The following TMEM74 variants were observed in gnomAD, a reference collection of about 807,000 sequenced individuals.
TMEM74 encodes transmembrane protein 74.
Under a neutral mutation model 18.1 loss-of-function variants are expected in TMEM74, and 13 were observed. The observed-to-expected ratio is 0.72, with a 90% confidence interval of 0.47 to 1.14. TMEM74 has a LOEUF of 1.14. TMEM74 is among the 50% of genes most tolerant of loss of function. The pLI is 0.00. For synonymous variants in TMEM74, 159 were observed against 146.6 expected (o/e 1.08, Z -0.61); for missense variants, 372 against 375.9 (o/e 0.99, Z 0.09).
chr8:108,748,976 G>A (rs1322299297), intron 1 of TMEM74, among the ~76,000 whole-genome samples: 3 of 151,798 alleles, frequency 2.0e-5, no homozygotes, highest in African/African-American at 7.3e-5. Flanking sequence ...TACCATACAC[G>A]TGGTGCCAGA....
rs148669086 is a variant in TMEM74 at position 108,650,980 on chromosome 8, G to A, written n.264+4313C>T. ...CCCACCTCGGCCTCGCAAAGTGTTG[G>A]GATTACAGGCGTGAGCCACCACACC... On this transcript the variant is annotated intron_variant and non_coding_transcript_variant, in intron 2 of 3. Transcript: ENST00000518838. Among the ~76,000 whole-genome samples the A allele has an allele frequency of 7.5e-3, 1,145 of 152,148 alleles. 11 individuals are homozygous for A. Among genetic ancestry groups the A allele is most frequent in the Non-Finnish European group, 0.012 (836 of 68,014 alleles).
chr8:108,764,733 A>G (rs1043092958), intron 1 of TMEM74, among the ~76,000 whole-genome samples: 5 of 152,274 alleles, frequency 3.3e-5, no homozygotes, highest in East Asian at 1.9e-4. Flanking sequence ...CTGCTATTCA[A>G]GGAAGGATAG....
chr8:108,662,978 G>A (rs1323485065), intron 1 of TMEM74, among the ~76,000 whole-genome samples: 3 of 152,128 alleles, frequency 2.0e-5, no homozygotes, highest in Non-Finnish European at 2.9e-5. Context: ...CTCCAGGTTT[G>A]TTGTCTTTGC....
rs1440369273 is a variant in TMEM74, at chr8:108,782,237, G to A, written c.*1944C>T. Among the ~76,000 whole-genome samples the A allele has an allele frequency of 6.6e-6, 1 of 152,016 alleles. No homozygotes were observed. The highest frequency in any genetic ancestry group is 1.5e-5 in the Non-Finnish European group (1 of 67,996). ...ATATAAAACTTATACCACTGGTAAG[G>A]CAGCCTCAACAAAAATCATGAAATG... On this transcript the variant is annotated 3_prime_UTR_variant, in exon 2 of 2. Coordinates refer to ENST00000297459, the MANE Select transcript of TMEM74 (RefSeq NM_153015.3).
intron 1 of TMEM74, among the ~76,000 whole-genome samples, chr8:108,710,189 A>G (rs1813460580): frequency 6.6e-6 from 1 of 152,248 alleles, no homozygotes; most frequent in South Asian, 2.1e-4. Flanking sequence ...ATGTTTTAGT[A>G]AAGGATGCGT....
At chr8:108,702,411 T>C (rs375118485) in intron 1 of TMEM74, among the ~76,000 whole-genome samples, 1 of 149,168 alleles carries the variant, frequency 6.7e-6, no homozygotes. Flanking sequence ...GAGCTGATCT[T>C]GACAAAGGAG....
intron 1 of TMEM74, among the ~76,000 whole-genome samples, chr8:108,706,331 A>G (rs1285115555): frequency 6.6e-6 from 1 of 152,162 alleles, no homozygotes; most frequent in Non-Finnish European, 1.5e-5. Flanking sequence ...GGGAGGATGT[A>G]CTCTGATTTT....
intron 1 of TMEM74, among the ~76,000 whole-genome samples, chr8:108,756,135 A>C (rs1279453945): frequency 1.3e-5 from 2 of 152,074 alleles, no homozygotes; most frequent in Admixed American, 6.6e-5. Context: ...CTATCATTAA[A>C]ATTTCAAACG....
rs1008417044 is a variant in TMEM74 at position 108,780,887 on chromosome 8, A to G, written c.*3294T>C. 2.0e-5 allele frequency among the ~76,000 whole-genome samples: 3 copies of G among 152,170 alleles called. No individual in the cohort carries two copies. Among genetic ancestry groups the G allele is most frequent in the African/African-American group, 4.8e-5 (2 of 41,444 alleles). On this transcript the variant is annotated 3_prime_UTR_variant, in exon 2 of 2. Transcript: ENST00000297459. ...ATGTGATCTGCTTTAAGAGCTCCCA[A>G]TGGGTGGGAAGGACACACAGCGCTG...
intron 2 of TMEM74, among the ~76,000 whole-genome samples, chr8:108,615,873 G>A (rs953880995): frequency 6.7e-5 from 8 of 118,902 alleles, no homozygotes; most frequent in African/African-American, 2.6e-4. Context: ...TGCAACCTCC[G>A]CCTTCCAGGT....
chr8:108,687,785 T>G (rs558046963), intron 1 of TMEM74, among the ~76,000 whole-genome samples: 66 of 152,000 alleles, frequency 4.3e-4, no homozygotes, highest in Non-Finnish European at 8.7e-4. Flanking sequence ...GAGGCAGAGG[T>G]CAGGTGGTAA....
intron 2 of TMEM74, among the ~76,000 whole-genome samples, chr8:108,618,944 C>T (rs547765190): frequency 1.3e-5 from 2 of 152,210 alleles, no homozygotes; most frequent in African/African-American, 4.8e-5. Flanking sequence ...ACCCCAGGCC[C>T]CATCCAAGAA....
At chr8:108,744,109 T>G (rs751737763) in intron 1 of TMEM74, among the ~76,000 whole-genome samples, 10 of 152,180 alleles carry the variant, frequency 6.6e-5, no homozygotes, top group Non-Finnish European at 1.5e-4. Context: ...ACTGTTATCC[T>G]ATATTCAGGG....
intron 1 of TMEM74, among the ~76,000 whole-genome samples, chr8:108,709,198 A>AATT (rs1456530057): frequency 6.6e-6 from 1 of 152,186 alleles, no homozygotes; most frequent in Non-Finnish European, 1.5e-5. Flanking sequence ...AAGGAAATAC[A>AATT]ATTATTATCT....
intron 1 of TMEM74, among the ~76,000 whole-genome samples, chr8:108,734,079 T>G (rs538852459): frequency 8.7e-4 from 133 of 152,298 alleles, no homozygotes; most frequent in Middle Eastern, 3.4e-3. Context: ...GACATTGGCA[T>G]GTGAGTCAGA....
At chr8:108,625,194 G>A (rs1812482105) in intron 2 of TMEM74, among the ~76,000 whole-genome samples, 1 of 152,000 alleles carries the variant, frequency 6.6e-6, no homozygotes, top group Admixed American at 6.6e-5. Flanking sequence ...TGTTAATCAT[G>A]TGGAAGAGGG....
intron 1 of TMEM74, among the ~76,000 whole-genome samples, chr8:108,682,271 A>G (rs1452685659): frequency 2.6e-5 from 4 of 151,988 alleles, no homozygotes; most frequent in Admixed American, 2.6e-4. Context: ...TGCATATGCT[A>G]TTCTCTTCAC....
At chr8:108,760,360 C>G (rs941214082) in intron 1 of TMEM74, among the ~76,000 whole-genome samples, 1 of 152,046 alleles carries the variant, frequency 6.6e-6, no homozygotes, top group Non-Finnish European at 1.5e-5. Flanking sequence ...GTTGAAAAGC[C>G]AAGTGCACCA....
chr8:108,761,114 C>T (rs371155998), intron 1 of TMEM74, among the ~76,000 whole-genome samples: 49 of 152,142 alleles, frequency 3.2e-4, no homozygotes, highest in African/African-American at 1.2e-3. Context: ...ATTCGTTCCT[C>T]CATCAATCCA....
Sources: allele counts gnomAD v4.1 joint callset (sites outside exome capture counted in the v4.1 genomes callset), GRCh38; gene constraint gnomAD v4.1.1; transcripts MANE v1.5; gene names NCBI Gene and HGNC (gene_info 2026-07-23, HGNC 2026-07-21).